Variants in NFIB observed in about 807,000 individuals in gnomAD.
The protein encoded by NFIB is nuclear factor 1 B-type.
In NFIB, 11 loss-of-function variants were observed where a neutral mutation model predicts 61.5. The observed-to-expected ratio is 0.18, with a 90% confidence interval of 0.11 to 0.30. The LOEUF (loss-of-function observed/expected upper bound fraction) is 0.30. Ranked by LOEUF, NFIB falls within the 10% of genes least tolerant of loss-of-function variation. NFIB has a pLI of 1.00. For synonymous variants in NFIB, 260 were observed against 216.5 expected (o/e 1.20, Z -1.76); for missense variants, 471 against 608.9 (o/e 0.77, Z 2.38).
At chr9:14,285,368 C>A (rs1324703268) in intron 2 of NFIB, among the ~76,000 whole-genome samples, 4 of 152,210 alleles carry the variant, frequency 2.6e-5, no homozygotes, top group Non-Finnish European at 5.9e-5. Context: ...GGTAATCCCC[C>A]ACCTCGGCCT....
chr9:14,317,359 G>A (rs979922012), upstream of NFIB: 3 of 152,404 alleles, frequency 2.0e-5, no homozygotes, highest in Middle Eastern at 3.4e-3. Flanking sequence ...AGACCCCAGA[G>A]AAGTGAAGAC....
chr9:14,352,433 G>A (rs1241314558), intron 1 of NFIB, among the ~76,000 whole-genome samples: 1 of 151,982 alleles, frequency 6.6e-6, no homozygotes, highest in African/African-American at 2.4e-5. Context: ...AGAAGTGAGC[G>A]AGGCCACAGG....
At chr9:14,522,134 C>T in the NFIB span, among the ~76,000 whole-genome samples, 1 of 152,110 alleles carries the variant, frequency 6.6e-6, no homozygotes, top group Admixed American at 6.6e-5. Context: ...TATGATGGCA[C>T]AACAATAATT....
At chr9:14,316,935 ACT>A (rs2060557045), upstream of NFIB, 1 of 151,988 alleles carries the variant, frequency 6.6e-6, no homozygotes, top group Non-Finnish European at 1.5e-5. Flanking sequence ...GAATGCCTGG[ACT>A]CTCATAGAAG....
intron 2 of NFIB, among the ~76,000 whole-genome samples, chr9:14,227,141 CAAAAAA>C (rs747407066): frequency 5.9e-5 from 5 of 85,146 alleles, no homozygotes; most frequent in African/African-American, 1.6e-4. Flanking sequence ...AACTCCGTGT[CAAAAAA>C]AAAAAAAAAA....
At chr9:14,253,031 T>C (rs2055830378) in intron 2 of NFIB, among the ~76,000 whole-genome samples, 1 of 152,102 alleles carries the variant, frequency 6.6e-6, no homozygotes, top group Non-Finnish European at 1.5e-5. Context: ...CCAAAAACAA[T>C]TATTTTTACA....
intron 3 of NFIB, 65 bp from the exon 4 acceptor site, chr9:14,155,958 C>T (rs1270441943): frequency 2.0e-6 from 2 of 999,280 alleles, no homozygotes; most frequent in East Asian, 5.5e-5. Context: ...TGATTATACA[C>T]TAGAATTTAA....
rs35417792 is a variant in NFIB at position 14,395,726 on chromosome 9, C to CTTTT, written c.108+2794_108+2797dup. On this transcript the variant is annotated intron_variant, in intron 1 of 8. Transcript: ENST00000380934. ...TCATCCCCCTCCCATATTCTTTTGA[C>CTTTT]TTTTTTTTTTTTTTTTTTTTTTTTT... is the stretch of plus-strand genomic sequence containing the variant. Among the ~76,000 whole-genome samples the CTTTT allele has an allele frequency of 2.0e-4, 13 of 65,724 alleles. 1 individual carries two copies. Among genetic ancestry groups the CTTTT allele is most frequent in the East Asian group, 6.5e-4 (1 of 1,530 alleles). 43.1% of individuals were successfully genotyped at this position (65,724 alleles called of 152,430 possible).
At chr9:14,326,663 C>T (rs2060755666) in intron 1 of NFIB, among the ~76,000 whole-genome samples, 1 of 137,302 alleles carries the variant, frequency 7.3e-6, no homozygotes, top group Non-Finnish European at 1.5e-5. Context: ...ATGCACCAAC[C>T]AGAGGTTTTC....
chr9:14,341,240 C>A (rs902283198), intron 1 of NFIB, among the ~76,000 whole-genome samples: 2 of 152,136 alleles, frequency 1.3e-5, no homozygotes, highest in Non-Finnish European at 2.9e-5. Context: ...GCTGTCAGAA[C>A]TGGGGAATTT....
the NFIB span, among the ~76,000 whole-genome samples, chr9:14,418,112 A>T: frequency 6.6e-6 from 1 of 152,168 alleles, no homozygotes; most frequent in East Asian, 1.9e-4. Flanking sequence ...GCACCCCAGG[A>T]AGTGTTAATG....
intron 10 of NFIB, 106 bp downstream of exon 10, chr9:14,112,893 A>T: frequency 9.7e-7 from 1 of 1,028,182 alleles, no homozygotes; most frequent in Non-Finnish European, 1.4e-6. Context: ...TTTTGGTCTC[A>T]GAAGCCCCGG....
the NFIB span, among the ~76,000 whole-genome samples, chr9:14,489,990 A>T: frequency 6.6e-6 from 1 of 152,156 alleles, no homozygotes; most frequent in Admixed American, 6.5e-5. Flanking sequence ...TAAAATGAAC[A>T]TCTTTGTACA....
rs1328302399 is a variant in NFIB at position 14,088,277 on chromosome 9, G to C, written c.*32C>G. On this transcript the variant is annotated 3_prime_UTR_variant, in exon 11 of 11. Coordinates refer to ENST00000380953, the MANE Select transcript of NFIB (RefSeq NM_001190737.2). Reference sequence around the variant, plus strand: ...TTTTGGACATTGGCCGGTAAGATGGGTGTCCTATTTGACACTTGGAAAGGA... The same window carrying C: ...TTTTGGACATTGGCCGGTAAGATGGCTGTCCTATTTGACACTTGGAAAGGA... 3 of 1,597,078 alleles carry C rather than the reference G, an allele frequency of 1.9e-6. No individual in the cohort carries two copies. The South Asian group carries it at 3.4e-5, about 18-fold the overall frequency.
chr9:14,442,807 G>C, the NFIB span, among the ~76,000 whole-genome samples: 102 of 152,224 alleles, frequency 6.7e-4, no homozygotes, highest in Admixed American at 4.5e-3. Context: ...TTTTTGAGGG[G>C]ACACGGCTTA....
chr9:14,421,244 T>C, the NFIB span, among the ~76,000 whole-genome samples: 1 of 152,194 alleles, frequency 6.6e-6, no homozygotes, highest in African/African-American at 2.4e-5. Context: ...AACAATCATA[T>C]TAATTGAAAT....
chr9:14,369,017 G>A (rs183301708), intron 1 of NFIB, among the ~76,000 whole-genome samples: 99 of 152,250 alleles, frequency 6.5e-4, no homozygotes, highest in African/African-American at 2.4e-3. Context: ...TGTGTATCAT[G>A]CACTGTGCCT....
chr9:14,455,874 A>T, the NFIB span, among the ~76,000 whole-genome samples: 4 of 152,238 alleles, frequency 2.6e-5, no homozygotes, highest in African/African-American at 9.6e-5. Context: ...GAATCTAAAT[A>T]ATTAATATGA....
chr9:14,231,128 AAAAAAAAATATAT>A (rs1297113871), intron 2 of NFIB, among the ~76,000 whole-genome samples: 67 of 96,424 alleles, frequency 6.9e-4, no homozygotes, highest in African/African-American at 2.8e-3. Context: ...GGGAAAAAAA[AAAAAAAAATATAT>A]ATATATATAT....
Sources: gnomAD v4.1 joint callset for allele counts (sites outside exome capture counted in the v4.1 genomes callset) on GRCh38, gnomAD v4.1.1 for gene constraint, MANE v1.5 for transcripts, NCBI Gene and HGNC (gene_info 2026-07-23, HGNC 2026-07-21) for gene names.